Variants in TSPOAP1 observed in about 807,000 individuals in gnomAD.
TSPOAP1 encodes the protein peripheral-type benzodiazepine receptor-associated protein 1.
Under a neutral mutation model 197.0 loss-of-function variants are expected in TSPOAP1, and 87 were observed. The ratio of observed to expected loss-of-function variants is 0.44; its 90% CI spans 0.37 to 0.53. The LOEUF (loss-of-function observed/expected upper bound fraction) is 0.53. TSPOAP1 is among the 20% of genes least tolerant of loss of function. The pLI is 0.00. For synonymous variants in TSPOAP1, 913 were observed against 998.9 expected (o/e 0.91, Z 1.62); for missense variants, 2,174 against 2,411.3 (o/e 0.90, Z 2.06).
chr17:58,324,542 G>A lies in TSPOAP1; in HGVS notation c.942+269C>T, dbSNP rs998011367. Among the ~76,000 whole-genome samples the A allele has an allele frequency of 5.3e-5, 8 of 152,006 alleles. No individual in the cohort carries two copies. Among genetic ancestry groups the A allele is most frequent in the Non-Finnish European group, 2.9e-5 (2 of 67,940 alleles). On this transcript the variant is annotated intron_variant, in intron 5 of 31. Transcript: ENST00000343736. This position sits in a 1 kb window ranked among gnomAD's most constrained non-coding sequence, Gnocchi z 5.8. ...GCGGCCGGGCCGTACCACTGGCAGC[G>A]CGGCAGGGGCGGCCGGCCAGGCCCC...
rs912116880 is a variant in TSPOAP1 at position 58,308,640 on chromosome 17, T to A, written c.4632A>T (p.Ser1544=). The change falls in exon 22 of 32, where the codon TCA becomes TCT. Residue 1544 remains serine, a synonymous_variant. Coordinates refer to ENST00000343736, the MANE Select transcript of TSPOAP1 (RefSeq NM_004758.4). ...GGAGGCGTGGGTAGGGCTTGGGGCC[T>A]GAATTGGCCTTCGGAGGCCCCCTGG... ...GRPRGPPKAN[S]GPKPYPRLPA... The A allele has an allele frequency of 6.2e-7, 1 of 1,608,754 alleles. No homozygotes were observed. Among genetic ancestry groups the A allele is most frequent in the Admixed American group, 1.7e-5 (1 of 59,806 alleles).
At chr17:58,315,214 G>T (rs987517395) in intron 16 of TSPOAP1, among the ~76,000 whole-genome samples, 6 of 152,308 alleles carry the variant, frequency 3.9e-5, no homozygotes, top group Non-Finnish European at 4.4e-5. Context: ...CAAGTAACAG[G>T]CAGAGGACCC....
chr17:58,309,936 G>A lies in TSPOAP1; in HGVS notation c.3891+31C>T. 1 of 1,579,640 alleles carries A rather than the reference G, an allele frequency of 6.3e-7. No individual in the cohort carries two copies. The highest frequency in any genetic ancestry group is 8.6e-7 in the Non-Finnish European group (1 of 1,161,430). On this transcript the variant is annotated intron_variant, in intron 21 of 31. Coordinates refer to ENST00000343736, the MANE Select transcript of TSPOAP1 (RefSeq NM_004758.4). This position sits in a 1 kb window ranked among gnomAD's most constrained non-coding sequence, Gnocchi z 5.0. ...GGGGAGGCCCCGGAGTTTGAGGCCTGGGGCCCAACAGCCCATCCCTACCCC... is the reference window on the plus strand; with the variant it reads ...GGGGAGGCCCCGGAGTTTGAGGCCTAGGGCCCAACAGCCCATCCCTACCCC...
At chr17:58,316,585 C>T (rs931382986) in intron 14 of TSPOAP1, 45 bp from the exon 15 acceptor site, 1 of 1,498,966 alleles carries the variant, frequency 6.7e-7, no homozygotes, top group African/African-American at 1.4e-5. Context: ...GGGCCTGGGG[C>T]CAAGCGCCAA....
In TSPOAP1 at chr17:58,308,764, G is replaced by A. The variant is rs752411228; in HGVS notation, c.4508C>T (p.Ser1503Leu). The change falls in exon 22 of 32, where the codon TCG becomes TTG. Residue 1503 changes from serine to leucine, a missense_variant. This residue lies in a region of TSPOAP1 where 1,933 missense variants were observed against 2,139.0 expected (regional missense o/e 0.90). Transcript: ENST00000343736. ...GCTGCCCGCCTCCTGCTCATCCTCC[G>A]AATCATATTCAATGCTGATTTCCAA... ...KCLEISIEYD[S>L]EDEQEAGSGG... 4.3e-6 allele frequency: 7 copies of A among 1,612,900 alleles called. No individual in the cohort carries two copies. Among genetic ancestry groups the A allele is most frequent in the African/African-American group, 2.7e-5 (2 of 74,924 alleles).
chr17:58,308,563 C>A lies in TSPOAP1; in HGVS notation c.4709G>T (p.Arg1570Ile). The A allele has an allele frequency of 6.5e-7, 1 of 1,544,600 alleles. No homozygotes were observed. The highest frequency in any genetic ancestry group is 8.7e-7 in the Non-Finnish European group (1 of 1,143,388). ...GACCCGGGAGAGTGGCTCCTTGGCT[C>A]TGCCCGTCGCACTGCGGCCTCTCCG... is the stretch of plus-strand genomic sequence containing the variant. ...PERRGRSATG[R>I]AKEPLSRATE... is the part of the protein sequence containing the mutation. The change falls in exon 22 of 32, where the codon AGA becomes ATA. Residue 1570 changes from arginine to isoleucine, a missense_variant. Physicochemically the swap from Arg to Ile is moderately conservative, Grantham distance 97. Coordinates refer to ENST00000343736, the MANE Select transcript of TSPOAP1 (RefSeq NM_004758.4).
intron 13 of TSPOAP1, among the ~76,000 whole-genome samples, chr17:58,318,788 C>T (rs1315354093): frequency 3.9e-5 from 6 of 152,176 alleles, no homozygotes; most frequent in Admixed American, 3.3e-4. Context: ...CCCCCAAGCC[C>T]CCACTCTGCA....
At chr17:58,306,647 T>A in intron 25 of TSPOAP1, 153 bp downstream of exon 25, 1 of 1,052,338 alleles carries the variant, frequency 9.5e-7, no homozygotes, top group Non-Finnish European at 1.4e-6. Flanking sequence ...CCACGTACAG[T>A]CTGACCACTA....
intron 17 of TSPOAP1, 65 bp downstream of exon 17, chr17:58,311,827 C>T: frequency 6.7e-7 from 1 of 1,485,938 alleles, no homozygotes; most frequent in Non-Finnish European, 8.9e-7. Flanking sequence ...TCAGGGTCCC[C>T]TTCTTCCGTC....
chr17:58,315,890 G>GGGAT (rs199737483), intron 16 of TSPOAP1, 133 bp downstream of exon 16: 184,837 of 681,536 alleles, frequency 0.27, 26,030 homozygotes, highest in African/African-American at 0.33. Flanking sequence ...CTGGGCAGAG[G>GGGAT]GGATGGATGG....
intron 10 of TSPOAP1, among the ~76,000 whole-genome samples, chr17:58,321,517 C>T (rs142332145): frequency 0.071 from 10,822 of 152,210 alleles, 517 homozygotes; most frequent in East Asian, 0.17. Context: ...AGGCTGGCCT[C>T]GAACTCCTGA....
chr17:58,306,401 A>G lies in TSPOAP1; in HGVS notation c.5165T>C (p.Phe1722Ser). 6.4e-7 allele frequency: 1 copy of G among 1,555,158 alleles called. No homozygotes were observed. Among genetic ancestry groups the G allele is most frequent in the Non-Finnish European group, 8.7e-7 (1 of 1,148,686 alleles). Residue 1722 changes from phenylalanine to serine, a missense_variant, in exon 26 of 32, where the codon TTT (phenylalanine) becomes TCT (serine). This residue lies in a region of TSPOAP1 where 161 missense variants were observed against 159.1 expected (regional missense o/e 1.01). Transcript: ENST00000343736. ...AGTTGTGTGGGCTGTGGAGTACACA[A>G]ACGGACCATTCCCTGATCCAGAAAA... is the stretch of plus-strand genomic sequence containing the variant. Reference protein sequence around the residue: ...ILLEGSGNGPFVYSTAHTTGP... With the variant: ...ILLEGSGNGPSVYSTAHTTGP...
Position 58,301,982 on chromosome 17 carries a change from C to T in TSPOAP1, c.*498G>A, listed in dbSNP as rs953308354. ...TAGACGAGGTGGGTGGACCAGGACG[C>T]GAGGGTCCTGGGTCCAGTCCTGGCT... On this transcript the variant is annotated 3_prime_UTR_variant, in exon 32 of 32. Coordinates refer to ENST00000343736, the MANE Select transcript of TSPOAP1 (RefSeq NM_004758.4). 3.1e-5 allele frequency: 8 copies of T among 260,116 alleles called. No homozygotes were observed. The East Asian group carries it at 4.2e-4, about 14-fold the overall frequency. 16.1% of individuals were successfully genotyped at this position (260,116 alleles called of 1,614,324 possible). A position where few individuals can be genotyped will look rare whatever the true frequency, so the allele number is the denominator to read the frequency against.
intron 4 of TSPOAP1, 89 bp downstream of exon 4, chr17:58,325,445 G>T: frequency 1.3e-6 from 2 of 1,521,324 alleles, no homozygotes; most frequent in Non-Finnish European, 1.8e-6. Flanking sequence ...TTTCATTTGC[G>T]TCTCATTAAC....
Position 58,310,627 on chromosome 17 carries a change from G to C in TSPOAP1, c.3584C>G (p.Ala1195Gly). ...GCTGGAGGCCGGACAGGCCTCTCCT[G>C]CAGTCCACTCGGCCTCCTGCTTGGC... ...SLAKQEAEWT[A>G]GEACPASSST... Residue 1195 changes from alanine to glycine, a missense_variant, in exon 20 of 32, where the codon GCA becomes GGA. Coordinates refer to ENST00000343736, the MANE Select transcript of TSPOAP1 (RefSeq NM_004758.4). 1 of 1,613,212 alleles carries C rather than the reference G, an allele frequency of 6.2e-7. No homozygotes were observed. Among genetic ancestry groups the C allele is most frequent in the Admixed American group, 1.7e-5 (1 of 60,034 alleles).
chr17:58,315,959 G>A (rs1370502946), intron 16 of TSPOAP1, 64 bp downstream of exon 16: 60 of 1,233,034 alleles, frequency 4.9e-5, no homozygotes, highest in Middle Eastern at 1.9e-4. Context: ...ATGGATATCC[G>A]TCTTTGGGAA....
intron 15 of TSPOAP1, 85 bp from the exon 16 acceptor site, chr17:58,316,217 G>A (rs1971229620): frequency 8.0e-7 from 1 of 1,253,016 alleles, no homozygotes; most frequent in South Asian, 1.2e-5. Context: ...ACTGCACTGA[G>A]CCTTTACGGA....
In TSPOAP1 at chr17:58,319,182, G is replaced by A; in HGVS notation, c.1607C>T (p.Thr536Ile). The change falls in exon 13 of 32, where the codon ACA becomes ATA. Residue 536 changes from threonine (T) to isoleucine (I), a missense_variant. Physicochemically the swap from Thr to Ile is moderately conservative, Grantham distance 89. Around this residue, in one of 5 missense-constraint regions of TSPOAP1, gnomAD observed 1,933 missense variants for 2,139.0 expected, o/e 0.90. Transcript: ENST00000343736. ...AAGGCTCCCACAGTCCAGGGCAGAT[G>A]TGAGCAGATCCAAGGGGCCCGGGTG... ...RLHPGPLDLL[T>I]SALDCGSLGD... 1 of 1,576,658 alleles carries A rather than the reference G, an allele frequency of 6.3e-7. No homozygotes were observed. The highest frequency in any genetic ancestry group is 8.6e-7 in the Non-Finnish European group (1 of 1,160,812).
Position 58,322,969 on chromosome 17 carries a change from C to T in TSPOAP1, c.1175G>A (p.Arg392Lys). The T allele has an allele frequency of 6.2e-7, 1 of 1,611,056 alleles. No homozygotes were observed. Among genetic ancestry groups the T allele is most frequent in the East Asian group, 2.2e-5 (1 of 44,768 alleles). ...TGGTACCTGCTCCTTCTCTGTGGCT[C>T]TCCCACTGAGCCGGGAGTTCTCCTC... ...LVEENSRLSG[R>K]ATEKEQVEWE... The change falls in exon 8 of 32, where the codon AGA (arginine) becomes AAA (lysine). Residue 392 changes from arginine (R) to lysine (K), a missense_variant. Physicochemically the swap from Arg to Lys is conservative, Grantham distance 26. Transcript: ENST00000343736. This position sits in a 1 kb window ranked among gnomAD's most constrained non-coding sequence, Gnocchi z 5.0.
Sources: allele counts gnomAD v4.1 joint callset (sites outside exome capture counted in the v4.1 genomes callset), GRCh38; gene constraint gnomAD v4.1.1; regional missense constraint gnomAD v4.1.1; non-coding constraint Gnocchi (gnomAD v3.1); transcripts MANE v1.5; gene names NCBI Gene and HGNC (gene_info 2026-07-23, HGNC 2026-07-21).